The following INPP5F variants were observed in gnomAD, a reference collection of about 807,000 sequenced individuals.
INPP5F encodes phosphatidylinositide 4-phosphatase SAC2.
Under a neutral mutation model 137.2 loss-of-function variants are expected in INPP5F, and 97 were observed. The ratio of observed to expected loss-of-function variants is 0.71; its 90% CI spans 0.60 to 0.84. The LOEUF is 0.84. Among genes scored for constraint, INPP5F ranks in the 40% least tolerant of loss-of-function variants. The pLI is 0.00. For synonymous variants in INPP5F, 504 were observed against 476.9 expected, an observed-to-expected ratio of 1.06 and a Z score of -0.74; for missense variants, 1,271 against 1,371.9, an observed-to-expected ratio of 0.93 and a Z score of 1.16.
rs757591955 is a variant in INPP5F at position 119,823,786 on chromosome 10, A to G, written c.2162-29A>G. 36 of 1,567,570 alleles carry G rather than the reference A, an allele frequency of 2.3e-5. No homozygotes were observed. In the Middle Eastern group the frequency reaches 1.0e-3, roughly 44 times the overall value. ...TTTTTTTTAGTATGTTTATGGAGAA[A>G]TTGGCAGGCAGTTATATTTGGGTTG... On this transcript the variant is annotated intron_variant, in intron 18 of 19. Coordinates refer to ENST00000650623, the MANE Select transcript of INPP5F (RefSeq NM_014937.4).
chr10:119,823,732 A>T, intron 18 of INPP5F, 83 bp from the exon 19 acceptor site: 1 of 968,462 alleles, frequency 1.0e-6, no homozygotes, highest in South Asian at 1.7e-5. Flanking sequence ...GACAAATTTC[A>T]TTCAGCGCTA....
At chr10:119,821,062 A>G (rs1173874403) in intron 16 of INPP5F, 145 bp downstream of exon 16, 5 of 610,084 alleles carry the variant, frequency 8.2e-6, no homozygotes, top group Non-Finnish European at 1.5e-5. Flanking sequence ...TACCTTATAT[A>G]ACTGTTACGT....
intron 2 of INPP5F, among the ~76,000 whole-genome samples, chr10:119,781,409 G>T (rs934249939): frequency 6.6e-6 from 1 of 152,202 alleles, no homozygotes; most frequent in Non-Finnish European, 1.5e-5. Context: ...GGTGAGCATG[G>T]TGTCACAACT....
intron 3 of INPP5F, among the ~76,000 whole-genome samples, chr10:119,785,487 G>A (rs1310103970): frequency 6.7e-6 from 1 of 148,776 alleles, no homozygotes; most frequent in Non-Finnish European, 1.5e-5. Flanking sequence ...GGGTTTCACT[G>A]TGTTAGCCTG....
intron 6 of INPP5F, among the ~76,000 whole-genome samples, chr10:119,794,050 T>TG (rs1850239513): frequency 6.6e-6 from 1 of 152,176 alleles, no homozygotes; most frequent in Non-Finnish European, 1.5e-5. Flanking sequence ...TGATCATTCT[T>TG]GGGTGTTTCT....
chr10:119,760,001 A>C (rs1371109508), intron 2 of INPP5F, among the ~76,000 whole-genome samples: 1 of 152,150 alleles, frequency 6.6e-6, no homozygotes. Flanking sequence ...CCCGGGTAGA[A>C]GTGATGCTTG....
chr10:119,783,321 G>A (rs933837311), intron 3 of INPP5F, among the ~76,000 whole-genome samples: 1 of 152,142 alleles, frequency 6.6e-6, no homozygotes, highest in Non-Finnish European at 1.5e-5. Flanking sequence ...CCTTTCCCTT[G>A]AGGGTGGGCA....
chr10:119,749,106 C>T (rs961702206), intron 1 of INPP5F, among the ~76,000 whole-genome samples: 5 of 152,242 alleles, frequency 3.3e-5, no homozygotes, highest in African/African-American at 1.2e-4. Context: ...ACAACTTGCT[C>T]TGCACCAGAG....
Position 119,741,279 on chromosome 10 carries a change from C to T in INPP5F, c.98-9797C>T, listed in dbSNP as rs188599720. ...TCATGTTCATCCTCTACAGATTTGT[C>T]CTGTGTTCTATCTCAAATCCAAATC... On this transcript the variant is annotated intron_variant, in intron 1 of 19. Transcript: ENST00000650623. 2.1e-3 allele frequency among the ~76,000 whole-genome samples: 314 copies of T among 152,262 alleles called. 3 individuals are homozygous for T. Among genetic ancestry groups the T allele is most frequent in the African/African-American group, 7.3e-3 (302 of 41,542 alleles).
intron 19 of INPP5F, 46 bp from the exon 20 acceptor site, chr10:119,826,585 A>G: frequency 7.1e-7 from 1 of 1,416,252 alleles, no homozygotes; most frequent in Non-Finnish European, 9.6e-7. Flanking sequence ...GAACTGGCAT[A>G]TTGGATTCCA....
At chr10:119,825,795 G>A (rs1851733724) in intron 19 of INPP5F, among the ~76,000 whole-genome samples, 1 of 152,096 alleles carries the variant, frequency 6.6e-6, no homozygotes, top group African/African-American at 2.4e-5. Context: ...CCATTTGGCC[G>A]GAAGAAAATT....
intron 2 of INPP5F, among the ~76,000 whole-genome samples, chr10:119,754,648 G>A (rs1279565684): frequency 6.6e-6 from 1 of 152,078 alleles, no homozygotes; most frequent in African/African-American, 2.4e-5. Flanking sequence ...TTAAGAAAAA[G>A]AGTCGGGAGG....
chr10:119,821,111 A>G (rs192099633), intron 16 of INPP5F, among the ~76,000 whole-genome samples, 194 bp downstream of exon 16: 4 of 152,320 alleles, frequency 2.6e-5, no homozygotes, highest in Admixed American at 2.0e-4. Flanking sequence ...TTTGAAAGCA[A>G]GATTTTACAG....
chr10:119,749,434 T>C (rs952650949), intron 1 of INPP5F, among the ~76,000 whole-genome samples: 1 of 152,256 alleles, frequency 6.6e-6, no homozygotes, highest in Non-Finnish European at 1.5e-5. Flanking sequence ...TGCCCTGAAA[T>C]GTAGCTGAAG....
chr10:119,791,533 A>G lies in INPP5F; in HGVS notation c.332A>G (p.His111Arg), dbSNP rs555737992. The part of the protein sequence containing the change: ...DLELELCKKH[H>R]FGINKPEKII... Reference sequence around the variant, plus strand: ...CCTATTTAGCTCTGTAAGAAGCATCATTTTGGTATTAACAAACCAGAGAAG... The same window carrying G: ...CCTATTTAGCTCTGTAAGAAGCATCGTTTTGGTATTAACAAACCAGAGAAG... Residue 111 changes from histidine (H) to arginine (R), a missense_variant, in exon 4 of 20, where the codon CAT (histidine) becomes CGT (arginine). Physicochemically the swap from His to Arg is conservative, Grantham distance 29 (BLOSUM62 0). This residue lies in a region of INPP5F where 62 missense variants were observed against 55.0 expected (regional missense o/e 1.13). Coordinates refer to ENST00000650623, the MANE Select transcript of INPP5F (RefSeq NM_014937.4). The G allele has an allele frequency of 8.7e-6, 14 of 1,601,744 alleles. No individual in the cohort carries two copies. The South Asian group carries it at 1.2e-4, about 14-fold the overall frequency.
intron 9 of INPP5F, among the ~76,000 whole-genome samples, chr10:119,803,232 C>T (rs1264637192): frequency 1.3e-5 from 2 of 152,088 alleles, no homozygotes; most frequent in Non-Finnish European, 2.9e-5. Flanking sequence ...TTTATAGAAG[C>T]ATTATTCTGA....
chr10:119,743,244 A>G (rs1487330795), intron 1 of INPP5F, among the ~76,000 whole-genome samples: 1 of 152,138 alleles, frequency 6.6e-6, no homozygotes, highest in Admixed American at 6.6e-5. Flanking sequence ...TGTGCAAATG[A>G]TCTGATTTCA....
At chr10:119,763,787 A>G (rs1455989621) in intron 2 of INPP5F, among the ~76,000 whole-genome samples, 1 of 152,166 alleles carries the variant, frequency 6.6e-6, no homozygotes, top group Non-Finnish European at 1.5e-5. Context: ...CTCTTCTCGC[A>G]TTTTACTATA....
intron 2 of INPP5F, among the ~76,000 whole-genome samples, chr10:119,776,734 T>G (rs1849535652): frequency 6.6e-6 from 1 of 151,576 alleles, no homozygotes; most frequent in Non-Finnish European, 1.5e-5. Flanking sequence ...GAGAGGTCCT[T>G]GAGTCATAAA....
Sources: gnomAD v4.1 joint callset for allele counts (sites outside exome capture counted in the v4.1 genomes callset) on GRCh38, gnomAD v4.1.1 for gene constraint, gnomAD v4.1.1 regional missense constraint, MANE v1.5 for transcripts, NCBI Gene and HGNC (gene_info 2026-07-23, HGNC 2026-07-21) for gene names.